DNAH14: variants seen among roughly 807,000 people sequenced by gnomAD.
The protein encoded by DNAH14 is dynein axonemal heavy chain 14, also known as axonemal beta dynein heavy chain 14.
Under a neutral mutation model 520.9 loss-of-function variants are expected in DNAH14, and 478 were observed. The ratio of observed to expected loss-of-function variants is 0.92; its 90% CI spans 0.85 to 0.99. The LOEUF (loss-of-function observed/expected upper bound fraction) is 0.99. Ranked by LOEUF, DNAH14 falls within the 50% of genes least tolerant of loss-of-function variation. The probability of loss-of-function intolerance (pLI) is 0.00; values close to 1 mark genes in which losing one functional copy is unlikely to be tolerated. For missense variants in DNAH14, 4,831 were observed against 5,234.5 expected, an observed-to-expected ratio of 0.92 and a Z score of 2.38; for synonymous variants, 1,581 against 1,757.2, an observed-to-expected ratio of 0.90 and a Z score of 2.51.
intron 49 of DNAH14, among the ~76,000 whole-genome samples, chr1:225,269,535 A>T (rs183801178): frequency 3.3e-4 from 51 of 152,366 alleles, no homozygotes; most frequent in African/African-American, 1.2e-3. Flanking sequence ...CATCAGAGTG[A>T]ACAGGCAACC....
intron 17 of DNAH14, among the ~76,000 whole-genome samples, chr1:225,066,804 C>A (rs1180867166): frequency 6.6e-6 from 1 of 152,042 alleles, no homozygotes; most frequent in African/African-American, 2.4e-5. Flanking sequence ...CAGTTCCATC[C>A]AAGTTTCTGC....
At chr1:224,978,558 A>G (rs1471419105) in intron 8 of DNAH14, among the ~76,000 whole-genome samples, 3 of 152,126 alleles carry the variant, frequency 2.0e-5, no homozygotes, top group African/African-American at 7.2e-5. Flanking sequence ...AGATGGGAGG[A>G]ATAAGTTGTA....
At chr1:225,080,257 C>G in intron 18 of DNAH14, 122 bp from the exon 19 acceptor site, 3 of 987,144 alleles carry the variant, frequency 3.0e-6, no homozygotes, top group Non-Finnish European at 4.3e-6. Flanking sequence ...AATGATAGTT[C>G]CAGTTTCACT....
chr1:225,167,560 A>G (rs549153510), intron 35 of DNAH14, among the ~76,000 whole-genome samples: 1 of 152,312 alleles, frequency 6.6e-6, no homozygotes, highest in South Asian at 2.1e-4. Context: ...ACCTGTCTTA[A>G]TAATGATTAG....
chr1:224,974,973 A>G (rs1434803760), intron 8 of DNAH14, among the ~76,000 whole-genome samples: 1 of 151,976 alleles, frequency 6.6e-6, no homozygotes, highest in Non-Finnish European at 1.5e-5. Flanking sequence ...TTCTGCATCT[A>G]TTGAGATAAT....
chr1:225,042,581 T>G (rs1177917609), intron 12 of DNAH14, among the ~76,000 whole-genome samples: 2 of 152,158 alleles, frequency 1.3e-5, no homozygotes, highest in Non-Finnish European at 2.9e-5. Context: ...AGGCACTCAG[T>G]GACTAGGACT....
intron 34 of DNAH14, among the ~76,000 whole-genome samples, chr1:225,154,652 A>G (rs2080853479): frequency 6.6e-6 from 1 of 152,094 alleles, no homozygotes; most frequent in Admixed American, 6.5e-5. Context: ...GATAAAGATC[A>G]AGTTGCAACC....
At chr1:225,255,096 C>G (rs74377875) in intron 44 of DNAH14, among the ~76,000 whole-genome samples, 1 of 152,088 alleles carries the variant, frequency 6.6e-6, no homozygotes, top group Non-Finnish European at 1.5e-5. Context: ...ATGTGACAGA[C>G]CATGACACAG....
intron 28 of DNAH14, among the ~76,000 whole-genome samples, chr1:225,144,023 G>T (rs971649066): frequency 5.9e-5 from 9 of 152,092 alleles, no homozygotes; most frequent in African/African-American, 2.2e-4. Context: ...CTCATAATAA[G>T]GATCCAGATT....
chr1:224,955,528 C>CT lies in DNAH14; in HGVS notation c.217+436dup, dbSNP rs560126055. Among the ~76,000 whole-genome samples the CT allele has an allele frequency of 1.1e-4, 16 of 152,132 alleles. 1 individual carries two copies. In the South Asian group the frequency reaches 3.3e-3, roughly 32 times the overall value. ...CCTCACATACTTCCATTTTTTAAGT[C>CT]TTTTTTCCTTCTTCACTCAAATTCT... On this transcript the variant is annotated intron_variant, in intron 3 of 85. Transcript: ENST00000682510.
intron 37 of DNAH14, among the ~76,000 whole-genome samples, chr1:225,191,077 A>T (rs1600530): frequency 0.021 from 3,226 of 152,106 alleles, 87 homozygotes; most frequent in African/African-American, 0.062. Context: ...TTTTTTAATT[A>T]TATAGGAAAA....
chr1:225,050,838 C>A (rs2068471233), intron 16 of DNAH14, among the ~76,000 whole-genome samples: 1 of 152,184 alleles, frequency 6.6e-6, no homozygotes. Context: ...ACAGTTTGTC[C>A]ATGGACAGCA....
At position 225,259,210 on chromosome 1, in the gene DNAH14, A is replaced by G. The variant is rs2092846359; in HGVS notation, c.7114A>G (p.Ile2372Val). The G allele has an allele frequency of 1.9e-6, 3 of 1,538,958 alleles. No homozygotes were observed. The highest frequency in any genetic ancestry group is 2.8e-5 in the African/African-American group (2 of 72,476). ...AGCATTTGACATAAAACATGGTTCA[A>G]TTTTAGGAGACACCCTATTATATAG... Reference protein sequence around the residue: ...PGAFDIKHGSILGDTLLYSEI... With the variant: ...PGAFDIKHGSVLGDTLLYSEI... Residue 2372 changes from isoleucine to valine, a missense_variant, in exon 46 of 86, where the codon ATT becomes GTT. Ile to Val is a conservative substitution (Grantham distance 29). Transcript: ENST00000682510.
At chr1:225,024,754 T>C (rs989660294) in intron 11 of DNAH14, 14 of 152,146 alleles carry the variant, frequency 9.2e-5, no homozygotes, top group African/African-American at 2.7e-4. Context: ...TGATAGTGCA[T>C]TATAATTTTA....
At chr1:225,143,201 G>C (rs16844344) in intron 28 of DNAH14, among the ~76,000 whole-genome samples, 5,003 of 151,914 alleles carry the variant, frequency 0.033, 300 homozygotes, top group African/African-American at 0.11. Context: ...AAAGGGAAAG[G>C]CTCTGGAAAT....
chr1:225,042,665 C>G (rs1306800223), intron 12 of DNAH14, among the ~76,000 whole-genome samples, 170 bp from the exon 13 acceptor site: 1 of 152,184 alleles, frequency 6.6e-6, no homozygotes, highest in Non-Finnish European at 1.5e-5. Context: ...ATTTGTTTCA[C>G]ATGCAATTTA....
In DNAH14 at chr1:225,080,289, G is replaced by A. The variant is rs1280835185; in HGVS notation, c.2767-90G>A. 3.1e-6 allele frequency: 4 copies of A among 1,297,538 alleles called. No homozygotes were observed. In the African/African-American group the frequency reaches 4.5e-5, roughly 15 times the overall value. The allele number at this position is 1,297,538 out of a possible 1,614,324, so 80.4% of individuals were successfully genotyped here. ...CACTCACTTATCAGGTAAAAGCCTAGATTATATACTAAAATGCTTTCACTG... is the reference window on the plus strand; with the variant it reads ...CACTCACTTATCAGGTAAAAGCCTAAATTATATACTAAAATGCTTTCACTG... On this transcript the variant is annotated intron_variant, in intron 18 of 85. Coordinates refer to ENST00000682510, the MANE Select transcript of DNAH14 (RefSeq NM_001367479.1).
chr1:225,031,504 AG>A lies in DNAH14; in HGVS notation c.1359-7188del, dbSNP rs991597978. 1.7e-4 allele frequency among the ~76,000 whole-genome samples: 4 copies of A among 24,058 alleles called. No homozygotes were observed. The Non-Finnish European group carries it at 8.6e-3, about 52-fold the overall frequency. The allele number at this position is 24,058 out of a possible 152,430, so 15.8% of individuals were successfully genotyped here. Reference sequence around the variant, plus strand: ...TTTCCTGTCTGGCCCCTTACAGAAAAGGTTTTGCTGACCCATGCTCTAGAGT... The same window carrying A: ...TTTCCTGTCTGGCCCCTTACAGAAAAGTTTTGCTGACCCATGCTCTAGAGT... On this transcript the variant is annotated intron_variant, in intron 11 of 85. Transcript: ENST00000682510.
chr1:224,933,878 T>A (rs1170074030), intron 1 of DNAH14, among the ~76,000 whole-genome samples: 1 of 152,036 alleles, frequency 6.6e-6, no homozygotes. Flanking sequence ...TATTGACCTG[T>A]TGTCTTCTTT....
Sources: gnomAD v4.1 joint callset for allele counts (sites outside exome capture counted in the v4.1 genomes callset) on GRCh38, gnomAD v4.1.1 for gene constraint, MANE v1.5 for transcripts, NCBI Gene and HGNC (gene_info 2026-07-23, HGNC 2026-07-21) for gene names.